The following TTC17 variants were observed in gnomAD, a reference collection of about 807,000 sequenced individuals.
TTC17 encodes tetratricopeptide repeat domain 17.
In TTC17, 58 loss-of-function variants were observed where a neutral mutation model predicts 143.8. The observed-to-expected ratio is 0.40, with a 90% CI of 0.33 to 0.50. The LOEUF (loss-of-function observed/expected upper bound fraction) is 0.50. TTC17 is among the 20% of genes least tolerant of loss of function. The probability of loss-of-function intolerance (pLI) is 0.49; values close to 1 mark genes in which losing one functional copy is unlikely to be tolerated. For synonymous variants in TTC17, 501 were observed against 497.8 expected, an observed-to-expected ratio of 1.01 and a Z score of -0.09; for missense variants, 1,273 against 1,392.5, an observed-to-expected ratio of 0.91 and a Z score of 1.37.
chr11:43,457,379 G>A (rs1947784040), intron 21 of TTC17, among the ~76,000 whole-genome samples: 1 of 151,946 alleles, frequency 6.6e-6, no homozygotes, highest in Non-Finnish European at 1.5e-5. Context: ...AATATCTGGA[G>A]CCGCTGTGAT....
At position 43,403,947 on chromosome 11, in the gene TTC17, C is replaced by A. The variant is rs191491205; in HGVS notation, c.1333-51C>A. On this transcript the variant is annotated intron_variant, in intron 10 of 23. Coordinates refer to ENST00000039989, the MANE Select transcript of TTC17 (RefSeq NM_018259.6). ...TTTGGTGTGAGTTAAATTATAATCA[C>A]AACTCCTTTTCCACTTTCAATTTGA... is the stretch of plus-strand genomic sequence containing the variant. 4.1e-5 allele frequency: 61 copies of A among 1,491,360 alleles called. 1 individual carries two copies. Among genetic ancestry groups the A allele is most frequent in the Non-Finnish European group, 1.1e-5 (12 of 1,110,712 alleles). 92.4% of individuals were successfully genotyped at this position (1,491,360 alleles called of 1,614,324 possible). A position where few individuals can be genotyped will look rare whatever the true frequency, so the allele number is the denominator to read the frequency against.
At chr11:43,466,160 A>G (rs1206330716) in intron 21 of TTC17, among the ~76,000 whole-genome samples, 1 of 152,250 alleles carries the variant, frequency 6.6e-6, no homozygotes, top group African/African-American at 2.4e-5. Flanking sequence ...CAAACAGCCA[A>G]CAAGCATATG....
intron 16 of TTC17, among the ~76,000 whole-genome samples, chr11:43,417,949 A>T (rs1946813697): frequency 6.6e-6 from 1 of 152,234 alleles, no homozygotes; most frequent in Non-Finnish European, 1.5e-5. Context: ...GCAGTTTAAC[A>T]TTAGCAAGTA....
At chr11:43,484,150 A>G (rs888397112) in intron 21 of TTC17, among the ~76,000 whole-genome samples, 2 of 152,182 alleles carry the variant, frequency 1.3e-5, no homozygotes, top group African/African-American at 4.8e-5. Context: ...TCAAAAAAAG[A>G]AAGAAATAAA....
intron 8 of TTC17, 84 bp from the exon 9 acceptor site, chr11:43,399,804 A>T (rs1036679940): frequency 7.1e-7 from 1 of 1,406,106 alleles, no homozygotes; most frequent in Non-Finnish European, 9.6e-7. Context: ...GTTGCTGAGA[A>T]CCAGAAAAAT....
chr11:43,484,153 G>T (rs1005385350), intron 21 of TTC17, among the ~76,000 whole-genome samples: 7 of 152,052 alleles, frequency 4.6e-5, no homozygotes, highest in South Asian at 2.1e-4. Flanking sequence ...AAAAAAGAAA[G>T]AAATAAATTA....
intron 21 of TTC17, among the ~76,000 whole-genome samples, chr11:43,475,500 T>C (rs1156286306): frequency 6.6e-6 from 1 of 152,132 alleles, no homozygotes; most frequent in Non-Finnish European, 1.5e-5. Context: ...GCCCAGCTAA[T>C]TTTTAAATTT....
chr11:43,456,195 C>CAT lies in TTC17; in HGVS notation c.3030+4931_3030+4932insTA, dbSNP rs1175606857. On this transcript the variant is annotated intron_variant, in intron 21 of 23. Coordinates refer to ENST00000039989, the MANE Select transcript of TTC17 (RefSeq NM_018259.6). ...TAGCACAATAACACACACACACACA[C>CAT]ACACACACACACACACACCACTTAG... 5.3e-5 allele frequency among the ~76,000 whole-genome samples: 8 copies of CAT among 151,838 alleles called. No individual in the cohort carries two copies. In the South Asian group the frequency reaches 1.7e-3, roughly 32 times the overall value.
intron 1 of TTC17, among the ~76,000 whole-genome samples, chr11:43,368,354 CA>C (rs1370361960): frequency 6.6e-6 from 1 of 152,186 alleles, no homozygotes; most frequent in Non-Finnish European, 1.5e-5. Flanking sequence ...TAGTTGTCAT[CA>C]CAAATACATC....
chr11:43,473,884 A>G (rs1229808965), intron 21 of TTC17, among the ~76,000 whole-genome samples: 1 of 143,364 alleles, frequency 7.0e-6, no homozygotes, highest in Admixed American at 6.9e-5. Flanking sequence ...CTCTGTCTCA[A>G]AAAAAAAAAA....
At chr11:43,441,172 G>A (rs895782082) in intron 16 of TTC17, among the ~76,000 whole-genome samples, 79 of 133,308 alleles carry the variant, frequency 5.9e-4, no homozygotes, top group African/African-American at 2.8e-3. Context: ...CTGGGAGGCT[G>A]AGGCAGGAGA....
chr11:43,402,186 C>A (rs1050467709), intron 10 of TTC17, among the ~76,000 whole-genome samples: 1 of 152,048 alleles, frequency 6.6e-6, no homozygotes, highest in East Asian at 1.9e-4. Context: ...TCTCTTTTAC[C>A]ATGGGAGCTA....
intron 2 of TTC17, among the ~76,000 whole-genome samples, chr11:43,382,406 C>T (rs1293240177): frequency 6.6e-6 from 1 of 152,042 alleles, no homozygotes; most frequent in East Asian, 1.9e-4. Context: ...TAAGGTCAAA[C>T]TAGATAAAAT....
intron 16 of TTC17, among the ~76,000 whole-genome samples, chr11:43,434,612 G>C (rs1947243681): frequency 6.6e-6 from 1 of 152,182 alleles, no homozygotes; most frequent in South Asian, 2.1e-4. Flanking sequence ...TCCATTTCAT[G>C]TAGTTCCCCT....
At chr11:43,402,764 TACTC>T (rs770034433) in intron 10 of TTC17, among the ~76,000 whole-genome samples, 45 of 152,306 alleles carry the variant, frequency 3.0e-4, no homozygotes, top group Middle Eastern at 3.4e-3. Context: ...AGAAAACTGA[TACTC>T]AACCTGTATT....
At chr11:43,479,710 T>C (rs1430246940) in intron 21 of TTC17, among the ~76,000 whole-genome samples, 1 of 152,210 alleles carries the variant, frequency 6.6e-6, no homozygotes, top group Non-Finnish European at 1.5e-5. Context: ...AGAGAATTGA[T>C]GACGTTGTAG....
At chr11:43,485,585 T>G (rs1420794550) in intron 21 of TTC17, among the ~76,000 whole-genome samples, 3 of 152,108 alleles carry the variant, frequency 2.0e-5, no homozygotes, top group African/African-American at 7.2e-5. Context: ...CTACAAAAGA[T>G]TAATATACAA....
At chr11:43,434,410 CGGG>C in intron 16 of TTC17, among the ~76,000 whole-genome samples, 1 of 152,208 alleles carries the variant, frequency 6.6e-6, no homozygotes, top group East Asian at 1.9e-4. Flanking sequence ...TACTGATCGG[CGGG>C]GGGAAGCCTA....
rs3978779 is a variant in TTC17, at chr11:43,362,149, TTGTGTGTGTGTG to T, written c.159+3070_159+3081del. Among the ~76,000 whole-genome samples the T allele has an allele frequency of 8.5e-3, 1,178 of 138,140 alleles. 6 individuals are homozygous for T. Among genetic ancestry groups the T allele is most frequent in the Non-Finnish European group, 0.011 (740 of 64,628 alleles). 90.6% of individuals were successfully genotyped at this position (138,140 alleles called of 152,430 possible). Reference sequence around the variant, plus strand: ...GCATGCACTACCACACCCGGCTAATTTGTGTGTGTGTGTGTGTGTGTGTGTGTGTGTGTGTGT... The same window carrying T: ...GCATGCACTACCACACCCGGCTAATTTGTGTGTGTGTGTGTGTGTGTGTGT... On this transcript the variant is annotated intron_variant, in intron 1 of 23. Transcript: ENST00000039989.
Sources: gnomAD v4.1 joint callset for allele counts (sites outside exome capture counted in the v4.1 genomes callset) on GRCh38, gnomAD v4.1.1 for gene constraint, MANE v1.5 for transcripts, NCBI Gene and HGNC (gene_info 2026-07-23, HGNC 2026-07-21) for gene names.